NCOR2: variants seen among roughly 807,000 people sequenced by gnomAD.
NCOR2 encodes CTG repeat protein 26.
NCOR2 carries 81 observed loss-of-function variants against 262.9 expected under a neutral mutation model. The ratio of observed to expected loss-of-function variants is 0.31; its 90% CI spans 0.26 to 0.37. NCOR2 has a LOEUF of 0.37. Ranked by LOEUF, NCOR2 falls within the 10% of genes least tolerant of loss-of-function variation. NCOR2 has a pLI of 1.00. For synonymous variants in NCOR2, 1,659 were observed against 1,559.3 expected, an observed-to-expected ratio of 1.06 and a Z score of -1.51; for missense variants, 3,385 against 3,621.4, an observed-to-expected ratio of 0.93 and a Z score of 1.68.
At chr12:124,493,771 A>G (rs1352021560) in intron 1 of NCOR2, among the ~76,000 whole-genome samples, 1 of 152,214 alleles carries the variant, frequency 6.6e-6, no homozygotes, top group Non-Finnish European at 1.5e-5. Context: ...TCTATTCCTT[A>G]GCCCCAGGCA....
chr12:124,400,686 GA>G lies in NCOR2; in HGVS notation c.1641-14del. 2 of 1,612,288 alleles carry G rather than the reference GA, an allele frequency of 1.2e-6. No homozygotes were observed. Among genetic ancestry groups the G allele is most frequent in the South Asian group, 1.1e-5 (1 of 91,062 alleles). ...GTCTGTCTTCTCCCTACAGGCCAGAGAGGGGAGATAGGATGGCTTCACCCGA... is the reference window on the plus strand; with the variant it reads ...GTCTGTCTTCTCCCTACAGGCCAGAGGGGGAGATAGGATGGCTTCACCCGA... On this transcript the variant is annotated splice_polypyrimidine_tract_variant and intron_variant, in intron 14 of 46. Transcript: ENST00000405201.
upstream of NCOR2, among the ~76,000 whole-genome samples, chr12:124,500,126 T>TG (rs2099351159): frequency 1.3e-5 from 2 of 152,002 alleles, no homozygotes; most frequent in African/African-American, 4.8e-5. Flanking sequence ...AGACGGTGCC[T>TG]GGGTGAGGTC....
intron 27 of NCOR2, among the ~76,000 whole-genome samples, chr12:124,351,100 G>C (rs1210578493): frequency 1.3e-5 from 2 of 152,194 alleles, no homozygotes; most frequent in Non-Finnish European, 2.9e-5. Flanking sequence ...TGGCTAATAA[G>C]GGGCAGGCGG....
chr12:124,329,868 G>A (rs1338700089), intron 44 of NCOR2, among the ~76,000 whole-genome samples: 2 of 152,178 alleles, frequency 1.3e-5, no homozygotes, highest in East Asian at 3.8e-4. Flanking sequence ...GAACATCCCA[G>A]GAACATTCAT....
At chr12:124,395,664 A>G (rs1213426336) in intron 16 of NCOR2, among the ~76,000 whole-genome samples, 1 of 152,136 alleles carries the variant, frequency 6.6e-6, no homozygotes. Context: ...GAGGGCAGGC[A>G]CTGTCTTCCC....
chr12:124,465,590 A>C (rs1259757015), intron 5 of NCOR2, among the ~76,000 whole-genome samples: 2 of 152,168 alleles, frequency 1.3e-5, no homozygotes, highest in African/African-American at 4.8e-5. Flanking sequence ...TCCAGGGCCC[A>C]GTGTCAGTGG....
chr12:124,520,296 C>T lies in NCOR2; in HGVS notation c.-118+15269G>A, dbSNP rs76327612. ...TAGCCCAAAGATCCAGCACCATCTT[C>T]CCGCCCAGACCGTCGCCAAGACCAG... On this transcript the variant is annotated intron_variant, in intron 1 of 46. Transcript: ENST00000404621. Among the ~76,000 whole-genome samples, 1,643 of 152,358 alleles carry T rather than the reference C, an allele frequency of 0.011. 71 individuals carry two copies. The East Asian group carries it at 0.13, about 12-fold the overall frequency.
intron 1 of NCOR2, among the ~76,000 whole-genome samples, chr12:124,502,575 G>C (rs1274838080): frequency 6.6e-6 from 1 of 152,152 alleles, no homozygotes; most frequent in African/African-American, 2.4e-5. Flanking sequence ...AGGCAGGACC[G>C]AGCCTGGTGT....
intron 8 of NCOR2, 131 bp downstream of exon 10, chr12:124,437,799 C>T: frequency 1.6e-6 from 1 of 606,222 alleles, no homozygotes; most frequent in East Asian, 1.0e-4. Context: ...CTTGGCTTTT[C>T]CTCCGCAGCC....
rs933284119 is a variant in NCOR2 at position 124,548,433 on chromosome 12, G to A, written c.-164-12822C>T. Among the ~76,000 whole-genome samples, 5 of 152,142 alleles carry A rather than the reference G, an allele frequency of 3.3e-5. No individual in the cohort carries two copies. The highest frequency in any genetic ancestry group is 1.2e-4 in the African/African-American group (5 of 41,416). ...ACAGGTGTGACCAGAGTGGACTGGG[G>A]ACCCCGAAGAGGCTACTGCAGTCGT... On this transcript the variant is annotated intron_variant, in intron 1 of 32. Coordinates refer to the NCOR2 transcript ENST00000458234. The surrounding 1 kb of genome is among the most constrained non-coding windows in gnomAD (Gnocchi z 5.1).
chr12:124,387,597 C>G (rs372893988), intron 16 of NCOR2, among the ~76,000 whole-genome samples: 2 of 152,148 alleles, frequency 1.3e-5, no homozygotes, highest in African/African-American at 2.4e-5. Context: ...GTTCGCCTGC[C>G]GTGGCCCTGG....
rs907640361 is a variant in NCOR2, at chr12:124,432,394, G to C, written c.883-1607C>G. Among the ~76,000 whole-genome samples, 2 of 152,162 alleles carry C rather than the reference G, an allele frequency of 1.3e-5. No homozygotes were observed. The highest frequency in any genetic ancestry group is 4.8e-5 in the African/African-American group (2 of 41,438). ...ACCTGGCCTCCTCTGCAGAGGCCTGGTCCCAAATGGAAGCCACCCACCATG... is the reference window on the plus strand; with the variant it reads ...ACCTGGCCTCCTCTGCAGAGGCCTGCTCCCAAATGGAAGCCACCCACCATG... On this transcript the variant is annotated intron_variant, in intron 8 of 46. Transcript: ENST00000405201. This position sits in a 1 kb window ranked among gnomAD's most constrained non-coding sequence, Gnocchi z 5.1.
chr12:124,530,377 G>A (rs1028081685), intron 1 of NCOR2: 57 of 152,080 alleles, frequency 3.7e-4, no homozygotes, highest in African/African-American at 1.3e-3. Flanking sequence ...TGATTGTGGA[G>A]GTGATGCAAA....
intron 1 of NCOR2, among the ~76,000 whole-genome samples, chr12:124,519,509 C>CG (rs1274895901): frequency 1.4e-4 from 22 of 152,148 alleles, no homozygotes; most frequent in Non-Finnish European, 2.9e-4. Context: ...GGCTGGACCA[C>CG]GCGGGTGTGT....
At chr12:124,422,551 T>C in exon 12 of NCOR2, 1 of 1,613,976 alleles carries the variant, frequency 6.2e-7, no homozygotes, top group Non-Finnish European at 8.5e-7. Flanking sequence ...GGATGCTGCA[T>C]GAACCTGCGG....
chr12:124,464,564 G>T (rs2046330461), intron 5 of NCOR2, among the ~76,000 whole-genome samples: 1 of 152,214 alleles, frequency 6.6e-6, no homozygotes, highest in African/African-American at 2.4e-5. Flanking sequence ...TCTACTAAAT[G>T]CAAATAGTAT....
At chr12:124,397,428 T>C (rs1188602138) in intron 16 of NCOR2, among the ~76,000 whole-genome samples, 1 of 152,010 alleles carries the variant, frequency 6.6e-6, no homozygotes, top group Admixed American at 6.5e-5. Flanking sequence ...TGAGAGGGGA[T>C]CCGGCTTAGG....
At chr12:124,346,961 C>G (rs1477498662) in intron 30 of NCOR2, 111 bp from the exon 33 acceptor site, 1 of 1,281,076 alleles carries the variant, frequency 7.8e-7, no homozygotes, top group Non-Finnish European at 1.0e-6. Flanking sequence ...TCCCCACTTG[C>G]TGTGTGACCT....
intron 22 of NCOR2, among the ~76,000 whole-genome samples, chr12:124,357,284 A>T (rs2038026997): frequency 6.6e-6 from 1 of 151,906 alleles, no homozygotes; most frequent in Non-Finnish European, 1.5e-5. Context: ...AGTAGCTGGG[A>T]ATACAGGCGC....
Sources: gnomAD v4.1 joint callset for allele counts (sites outside exome capture counted in the v4.1 genomes callset) on GRCh38, gnomAD v4.1.1 for gene constraint, Gnocchi (gnomAD v3.1) non-coding constraint, MANE v1.5 for transcripts, NCBI Gene and HGNC (gene_info 2026-07-23, HGNC 2026-07-21) for gene names.